PLA2G4D: variants seen among roughly 807,000 people sequenced by gnomAD.
PLA2G4D encodes the protein cytosolic phospholipase A2 delta.
In PLA2G4D, 80 loss-of-function variants were observed where a neutral mutation model predicts 94.4. The observed-to-expected ratio is 0.85, with a 90% CI of 0.71 to 1.02. The LOEUF (loss-of-function observed/expected upper bound fraction) is 1.02. Ranked by LOEUF, PLA2G4D falls within the 50% of genes least tolerant of loss-of-function variation. PLA2G4D has a pLI of 0.00. For synonymous variants in PLA2G4D, 438 were observed against 440.9 expected (o/e 0.99, Z 0.08); for missense variants, 1,050 against 1,034.7 (o/e 1.01, Z -0.20).
chr15:42,083,912 G>T, intron 6 of PLA2G4D, 133 bp from the exon 7 acceptor site: 1 of 831,608 alleles, frequency 1.2e-6, no homozygotes, highest in Non-Finnish European at 1.9e-6. Context: ...GATGGGATTG[G>T]CTGCAGAGGC....
chr15:42,093,560 C>T (rs987587424), intron 1 of PLA2G4D, among the ~76,000 whole-genome samples: 4 of 152,182 alleles, frequency 2.6e-5, no homozygotes, highest in Non-Finnish European at 5.9e-5. Flanking sequence ...TGGGTGGATC[C>T]ACCTGACCTC....
Position 42,094,479 on chromosome 15 carries a change from C to T in PLA2G4D, c.-20G>A. ...CTCCATGCTAGCCCTTCCAGCTTCA[C>T]TCCAGGCCCAGCCCTTGCCAAGATG... is the stretch of plus-strand genomic sequence containing the variant. On this transcript the variant is annotated 5_prime_UTR_variant, in exon 1 of 20. The change creates a new upstream start codon in the 5' untranslated region. Transcript: ENST00000290472. 6.2e-7 allele frequency: 1 copy of T among 1,614,084 alleles called. No individual in the cohort carries two copies. The highest frequency in any genetic ancestry group is 1.3e-5 in the African/African-American group (1 of 75,046).
At chr15:42,089,852 C>T (rs935535007) in intron 1 of PLA2G4D, among the ~76,000 whole-genome samples, 1 of 152,242 alleles carries the variant, frequency 6.6e-6, no homozygotes, top group Non-Finnish European at 1.5e-5. Flanking sequence ...CAGTTACTCA[C>T]TGTCTAGCCA....
rs762870848 is a variant in PLA2G4D at position 42,087,623 on chromosome 15, C to T, written c.118+5G>A. On this transcript the variant is annotated splice_donor_5th_base_variant and intron_variant, in intron 2 of 19. Transcript: ENST00000290472. Reference sequence around the variant, plus strand: ...CCCGACAGAGCGCACAGGGCGGTTACTCACACAGGTCAGCCCAGCGCAGGT... The same window carrying T: ...CCCGACAGAGCGCACAGGGCGGTTATTCACACAGGTCAGCCCAGCGCAGGT... 1 of 1,614,134 alleles carries T rather than the reference C, an allele frequency of 6.2e-7. No individual in the cohort carries two copies. The highest frequency in any genetic ancestry group is 1.1e-5 in the South Asian group (1 of 91,082).
intron 1 of PLA2G4D, 47 bp downstream of exon 1, chr15:42,094,368 C>T: frequency 6.2e-7 from 1 of 1,610,078 alleles, no homozygotes; most frequent in Non-Finnish European, 8.5e-7. Flanking sequence ...CACCCTGGCT[C>T]CAGGCCTGCC....
In PLA2G4D at chr15:42,086,306, G is replaced by A; in HGVS notation, c.294C>T (p.Val98=). 1 of 1,607,466 alleles carries A rather than the reference G, an allele frequency of 6.2e-7. No individual in the cohort carries two copies. ...CCTTGAAGCAGATGTCATCCTCCGTGACTGAGTCCTCATCATAGATGCTAA... is the reference window on the plus strand; with the variant it reads ...CCTTGAAGCAGATGTCATCCTCCGTAACTGAGTCCTCATCATAGATGCTAA... The part of the protein sequence containing the change: ...LELSIYDEDS[V]TEDDICFKVL... The change falls in exon 4 of 20, where the codon GTC becomes GTT. Residue 98 remains valine (V), a synonymous_variant. Transcript: ENST00000290472.
intron 13 of PLA2G4D, among the ~76,000 whole-genome samples, chr15:42,075,135 G>A (rs4924615): frequency 5.9e-5 from 9 of 152,006 alleles, no homozygotes; most frequent in Non-Finnish European, 1.2e-4. Context: ...TGTTGTCCAG[G>A]TTCATTTTTA....
chr15:42,069,285 A>C (rs1406676472), intron 19 of PLA2G4D, among the ~76,000 whole-genome samples: 1 of 152,166 alleles, frequency 6.6e-6, no homozygotes, highest in Non-Finnish European at 1.5e-5. Flanking sequence ...TCACGGTGGA[A>C]GCAAGGGGGC....
rs1381536719 is a variant in PLA2G4D, at chr15:42,070,833, G to A, written c.1927C>T (p.Leu643Phe). 1.9e-6 allele frequency: 3 copies of A among 1,611,724 alleles called. No individual in the cohort carries two copies. The highest frequency in any genetic ancestry group is 1.7e-6 in the Non-Finnish European group (2 of 1,179,148). ...AAGTAGGCGGCGTCCACCAGGCAGAGCCGGGGCTCCTTGGGGGTCAGCTGG... is the reference window on the plus strand; with the variant it reads ...AAGTAGGCGGCGTCCACCAGGCAGAACCGGGGCTCCTTGGGGGTCAGCTGG... ...PSQLTPKEPR[L>F]CLVDAAYFIN... The change falls in exon 18 of 20, where the codon CTC (leucine) becomes TTC (phenylalanine). Residue 643 changes from leucine to phenylalanine, a missense_variant. Leu to Phe is a conservative substitution (Grantham distance 22). Coordinates refer to ENST00000290472, the MANE Select transcript of PLA2G4D (RefSeq NM_178034.4).
Position 42,087,646 on chromosome 15 carries a change from G to A in PLA2G4D, c.100C>T (p.Leu34=), listed in dbSNP as rs1890176794. The change falls in exon 2 of 20, where the codon CTG becomes TTG. Residue 34 remains leucine, a synonymous_variant. Transcript: ENST00000290472. Reference sequence around the variant, plus strand: ...TACTCACACAGGTCAGCCCAGCGCAGGTTCCGCGCCTCCAGGACCCTCACT... The same window carrying A: ...TACTCACACAGGTCAGCCCAGCGCAAGTTCCGCGCCTCCAGGACCCTCACT... ...LTVRVLEARN[L]RWADLLSEAD... 3.7e-6 allele frequency: 6 copies of A among 1,614,054 alleles called. No homozygotes were observed. Among genetic ancestry groups the A allele is most frequent in the Non-Finnish European group, 5.1e-6 (6 of 1,180,036 alleles).
chr15:42,083,608 G>A, intron 7 of PLA2G4D, 108 bp downstream of exon 7: 2 of 1,369,538 alleles, frequency 1.5e-6, no homozygotes, highest in South Asian at 2.5e-5. Flanking sequence ...AGAAGAGAGA[G>A]GCAAGCTCTA....
At position 42,081,187 on chromosome 15, in the gene PLA2G4D, T is replaced by G. The variant is rs537200071; in HGVS notation, c.958-54A>C. 2.6e-4 allele frequency: 411 copies of G among 1,590,386 alleles called. 3 individuals are homozygous for G. The African/African-American group carries it at 5.0e-3, about 19-fold the overall frequency. On this transcript the variant is annotated intron_variant, in intron 11 of 19. Transcript: ENST00000290472. ...ACAAGGAAAGGGGCCAGCTGCCTCC[T>G]GTCTCACCCAGGGCCCTGCCCCGCT...
Position 42,086,194 on chromosome 15 carries a change from T to TGGGGGGGGGGGGGGCC in PLA2G4D, c.387+18_387+19insGGCCCCCCCCCCCCCC. The TGGGGGGGGGGGGGGCC allele has an allele frequency of 5.5e-5, 75 of 1,370,368 alleles. No homozygotes were observed. The highest frequency in any genetic ancestry group is 2.8e-4 in the Middle Eastern group (1 of 3,592). The allele number at this position is 1,370,368 out of a possible 1,614,324, so 84.9% of individuals were successfully genotyped here. On this transcript the variant is annotated intron_variant, in intron 4 of 19. Transcript: ENST00000290472. The stretch of plus-strand genomic sequence containing the variant: ...GGAAGAAGTGGGGCCCACGGGGACT[T>TGGGGGGGGGGGGGGCC]CCCCACCCACCCACCCACCTGGGGA...
Position 42,070,239 on chromosome 15 carries a change from C to T in PLA2G4D, c.2044-144G>A, listed in dbSNP as rs1019449540. The T allele has an allele frequency of 2.9e-5, 23 of 782,546 alleles. 1 individual carries two copies. Among genetic ancestry groups the T allele is most frequent in the East Asian group, 1.3e-4 (4 of 30,282 alleles). The allele number at this position is 782,546 out of a possible 1,614,324, so 48.5% of individuals were successfully genotyped here. ...GGTCGGGCCAAGCTGCAGAGTGACT[C>T]GGAGGGAGACCCAGGGGGAGTCCAA... On this transcript the variant is annotated intron_variant, in intron 18 of 19. Coordinates refer to ENST00000290472, the MANE Select transcript of PLA2G4D (RefSeq NM_178034.4).
chr15:42,086,194 T>TTGGGGGGGGGGGGGGG lies in PLA2G4D; in HGVS notation c.387+18_387+19insCCCCCCCCCCCCCCCA. The TTGGGGGGGGGGGGGGG allele has an allele frequency of 6.9e-4, 940 of 1,369,372 alleles. No individual in the cohort carries two copies. Among genetic ancestry groups the TTGGGGGGGGGGGGGGG allele is most frequent in the Middle Eastern group, 1.1e-3 (4 of 3,592 alleles). 84.8% of individuals were successfully genotyped at this position (1,369,372 alleles called of 1,614,324 possible). On this transcript the variant is annotated intron_variant, in intron 4 of 19. Transcript: ENST00000290472. ...GGAAGAAGTGGGGCCCACGGGGACT[T>TTGGGGGGGGGGGGGGG]CCCCACCCACCCACCCACCTGGGGA...
Position 42,069,947 on chromosome 15 carries a change from G to T in PLA2G4D, c.2192C>A (p.Pro731Gln). Residue 731 changes from proline (P) to glutamine (Q), a missense_variant, in exon 19 of 20, where the codon CCG becomes CAG. Coordinates refer to ENST00000290472, the MANE Select transcript of PLA2G4D (RefSeq NM_178034.4). ...CPEAPILLHF[P>Q]LVNASFKDHS... Reference sequence around the variant, plus strand: ...GTCCTTGAAGGAGGCATTGACCAGCGGGAAGTGCAGCAGGATCGGGGCCTC... The same window carrying T: ...GTCCTTGAAGGAGGCATTGACCAGCTGGAAGTGCAGCAGGATCGGGGCCTC... 6.9e-7 allele frequency: 1 copy of T among 1,451,044 alleles called. No individual in the cohort carries two copies. The highest frequency in any genetic ancestry group is 9.1e-7 in the Non-Finnish European group (1 of 1,104,258). 89.9% of individuals were successfully genotyped at this position (1,451,044 alleles called of 1,614,324 possible).
At position 42,067,372 on chromosome 15, in the gene PLA2G4D, C is replaced by T. The variant is rs1343199127; in HGVS notation, c.*1343G>A. 6.6e-6 allele frequency: 1 copy of T among 151,888 alleles called. No individual in the cohort carries two copies. Among genetic ancestry groups the T allele is most frequent in the Non-Finnish European group, 1.5e-5 (1 of 67,960 alleles). The allele number at this position is 151,888 out of a possible 1,614,324, so 9.4% of individuals were successfully genotyped here. On this transcript the variant is annotated 3_prime_UTR_variant, in exon 20 of 20. Transcript: ENST00000290472. Reference sequence around the variant, plus strand: ...GCAACATGGTGAGACCTCATCTCTACAAAAAACCATTTTTTTAATTTAGCC... The same window carrying T: ...GCAACATGGTGAGACCTCATCTCTATAAAAAACCATTTTTTTAATTTAGCC...
rs554447094 is a variant in PLA2G4D, at chr15:42,072,142, C to T, written c.1435+133G>A. On this transcript the variant is annotated intron_variant, in intron 14 of 19. Coordinates refer to ENST00000290472, the MANE Select transcript of PLA2G4D (RefSeq NM_178034.4). ...TCAAGCACAGAGAGATGCCCTGAGC[C>T]CCTCAGCACCACTGCCCTTCCGGAA... The T allele has an allele frequency of 8.8e-4, 864 of 982,408 alleles. 6 individuals are homozygous for T. The highest frequency in any genetic ancestry group is 3.9e-3 in the Middle Eastern group (13 of 3,296). 60.9% of individuals were successfully genotyped at this position (982,408 alleles called of 1,614,324 possible).
intron 5 of PLA2G4D, 136 bp from the exon 6 acceptor site, chr15:42,085,274 G>A (rs1890119126): frequency 8.9e-7 from 1 of 1,121,534 alleles, no homozygotes; most frequent in South Asian, 1.3e-5. Flanking sequence ...GAGATGCTTT[G>A]CAGGAGGAGA....
Sources: allele counts gnomAD v4.1 joint callset (sites outside exome capture counted in the v4.1 genomes callset), GRCh38; gene constraint gnomAD v4.1.1; transcripts MANE v1.5; gene names NCBI Gene and HGNC (gene_info 2026-07-23, HGNC 2026-07-21).